Variants in CELSR1 observed in about 807,000 individuals in gnomAD.
CELSR1 encodes cadherin EGF LAG seven-pass G-type receptor 1.
A neutral mutation model predicts 249.1 loss-of-function variants in CELSR1; 110 were observed. That is an observed-to-expected ratio of 0.44 (90% CI 0.38 to 0.52). The LOEUF is 0.52. CELSR1 is among the 20% of genes least tolerant of loss of function. The pLI, the probability that CELSR1 is intolerant of heterozygous loss-of-function variation, is 0.00. For missense variants in CELSR1, 4,109 were observed against 4,296.4 expected, an observed-to-expected ratio of 0.96 and a Z score of 1.22; for synonymous variants, 2,113 against 1,900.0, an observed-to-expected ratio of 1.11 and a Z score of -2.92.
chr22:46,377,061 C>T lies in CELSR1; in HGVS notation c.7584G>A (p.Pro2528=), dbSNP rs151003123. ...GGGGAGGGGAGCAGAGTGGCCATACCGGGTTTTCCGTCTGGTTGATCCCAA... is the reference window on the plus strand; with the variant it reads ...GGGGAGGGGAGCAGAGTGGCCATACTGGGTTTTCCGTCTGGTTGATCCCAA... ...FVIGINQTEN[P]FLCTVVAILL... is the part of the protein sequence containing the mutation. The change falls in exon 24 of 35, where the codon CCG becomes CCA. Residue 2528 remains proline (P), a splice_region_variant and synonymous_variant. Transcript: ENST00000674500. 1.2e-3 allele frequency: 1,880 copies of T among 1,612,760 alleles called. 19 individuals are homozygous for T. Among genetic ancestry groups the T allele is most frequent in the Middle Eastern group, 3.3e-4 (2 of 6,056 alleles).
Position 46,464,128 on chromosome 22 carries a change from G to A in CELSR1, c.3762C>T (p.Ser1254=). Residue 1254 remains serine (S), a synonymous_variant, in exon 2 of 35, where the codon AGC becomes AGT. Transcript: ENST00000674500. This position sits in a 1 kb window ranked among gnomAD's most constrained non-coding sequence, Gnocchi z 8.5. ...AGAAGGTCACGTTCAGGATGTTGGAGCTGACGTCGGTGTCGTTCTGGACGT... is the reference window on the plus strand; with the variant it reads ...AGAAGGTCACGTTCAGGATGTTGGAACTGACGTCGGTGTCGTTCTGGACGT... ...VFNVQNDTDV[S]SNILNVTFSA... is the part of the protein sequence containing the mutation. 1 of 1,613,858 alleles carries A rather than the reference G, an allele frequency of 6.2e-7. No homozygotes were observed. Among genetic ancestry groups the A allele is most frequent in the Non-Finnish European group, 8.5e-7 (1 of 1,180,044 alleles).
rs3081584 is a variant in CELSR1 at position 46,496,200 on chromosome 22, C to CA, written c.3545-31856dup. Among the ~76,000 whole-genome samples, 854 of 144,396 alleles carry CA rather than the reference C, an allele frequency of 5.9e-3. 5 individuals are homozygous for CA. The highest frequency in any genetic ancestry group is 8.1e-3 in the African/African-American group (308 of 38,108). 94.7% of individuals were successfully genotyped at this position (144,396 alleles called of 152,430 possible). A position where few individuals can be genotyped will look rare whatever the true frequency, so the allele number is the denominator to read the frequency against. ...TGGGCAACAGAATGAGACTTTGTCT[C>CA]AAAAAAAAAAAAAAAAAATTGACTC... On this transcript the variant is annotated intron_variant, in intron 1 of 34. Coordinates refer to ENST00000674500, the MANE Select transcript of CELSR1 (RefSeq NM_001378328.1).
intron 1 of CELSR1, among the ~76,000 whole-genome samples, chr22:46,508,603 C>A (rs1298433885): frequency 1.3e-5 from 2 of 152,140 alleles, no homozygotes. Flanking sequence ...CCTCCCACCC[C>A]CTCACCGCCT....
At position 46,537,258 on chromosome 22, in the gene CELSR1, G is replaced by T; in HGVS notation, c.-88C>A. The T allele has an allele frequency of 1.0e-6, 1 of 1,004,934 alleles. No homozygotes were observed. Among genetic ancestry groups the T allele is most frequent in the Non-Finnish European group, 1.2e-6 (1 of 843,786 alleles). The allele number at this position is 1,004,934 out of a possible 1,614,324, so 62.3% of individuals were successfully genotyped here. A position where few individuals can be genotyped will look rare whatever the true frequency, so the allele number is the denominator to read the frequency against. ...CATCCACCCGGCGAGGCCGGGGAGCGGCTCCCGGGCGCCCGGCCCTCGGGG... is the reference window on the plus strand; with the variant it reads ...CATCCACCCGGCGAGGCCGGGGAGCTGCTCCCGGGCGCCCGGCCCTCGGGG... On this transcript the variant is annotated 5_prime_UTR_variant, in exon 1 of 35. Coordinates refer to ENST00000674500, the MANE Select transcript of CELSR1 (RefSeq NM_001378328.1). The surrounding 1 kb of genome is among the most constrained non-coding windows in gnomAD (Gnocchi z 5.8).
Position 46,409,895 on chromosome 22 carries a change from C to G in CELSR1, c.4934-15G>C. 1 of 1,610,062 alleles carries G rather than the reference C, an allele frequency of 6.2e-7. No individual in the cohort carries two copies. On this transcript the variant is annotated splice_polypyrimidine_tract_variant and intron_variant, in intron 7 of 34. Transcript: ENST00000674500. This position sits in a 1 kb window ranked among gnomAD's most constrained non-coding sequence, Gnocchi z 9.8. ...AGCAGCGCAGCCTGGCAACACAGAG[C>G]GTGCGGCAGAGCCTGACTCGGAGGA...
In CELSR1 at chr22:46,535,131, C is replaced by G; in HGVS notation, c.2040G>C (p.Val680=). The G allele has an allele frequency of 1.9e-6, 3 of 1,610,988 alleles. No homozygotes were observed. The East Asian group carries it at 6.7e-5, about 36-fold the overall frequency. Residue 680 remains valine (V), a synonymous_variant, in exon 1 of 35, where the codon GTG becomes GTC. Coordinates refer to ENST00000674500, the MANE Select transcript of CELSR1 (RefSeq NM_001378328.1). The stretch of plus-strand genomic sequence containing the variant: ...GCGTGAACACCGGGTCGTTGTCATT[C>G]ACGTCCAGCACCGTGATGGACACGC... ...STSVSITVLD[V]NDNDPVFTQP...
In CELSR1 at chr22:46,428,708, C is replaced by A. The variant is rs563654085; in HGVS notation, c.4611+4685G>T. The stretch of plus-strand genomic sequence containing the variant: ...GCCCAGGTGGGAAATCCTGACGCGG[C>A]TGCTCACCGCCTCCCACATCTGCTT... On this transcript the variant is annotated intron_variant, in intron 5 of 34. Coordinates refer to ENST00000674500, the MANE Select transcript of CELSR1 (RefSeq NM_001378328.1). The surrounding 1 kb of genome is among the most constrained non-coding windows in gnomAD (Gnocchi z 5.7). Among the ~76,000 whole-genome samples, 10 of 152,364 alleles carry A rather than the reference C, an allele frequency of 6.6e-5. No individual in the cohort carries two copies. Among genetic ancestry groups the A allele is most frequent in the South Asian group, 2.1e-4 (1 of 4,828 alleles).
chr22:46,425,078 C>T (rs1428066648), intron 5 of CELSR1, among the ~76,000 whole-genome samples: 2 of 152,218 alleles, frequency 1.3e-5, no homozygotes, highest in African/African-American at 4.8e-5. Context: ...TTGTTTGGTG[C>T]TAAGAAGTAT....
rs2078754414 is a variant in CELSR1 at position 46,365,217 on chromosome 22, C to T, written c.8554+14G>A. The T allele has an allele frequency of 1.2e-6, 2 of 1,609,058 alleles. No homozygotes were observed. Among genetic ancestry groups the T allele is most frequent in the Non-Finnish European group, 8.5e-7 (1 of 1,179,156 alleles). ...CCACAGCCCAGCCTGGCCCAATGTG[C>T]CCCACACACTCACCTTTGGGGGTGC... On this transcript the variant is annotated intron_variant, in intron 32 of 34. Coordinates refer to ENST00000674500, the MANE Select transcript of CELSR1 (RefSeq NM_001378328.1).
chr22:46,438,820 A>G (rs560149321), intron 3 of CELSR1, among the ~76,000 whole-genome samples: 5 of 152,234 alleles, frequency 3.3e-5, no homozygotes, highest in Admixed American at 6.5e-5. Flanking sequence ...GTGCAGTGGC[A>G]CAGTCTCAGC....
intron 2 of CELSR1, among the ~76,000 whole-genome samples, chr22:46,443,622 C>T (rs1304617047): frequency 6.6e-6 from 1 of 152,190 alleles, no homozygotes; most frequent in East Asian, 1.9e-4. Context: ...TTCACACATG[C>T]ACTCAATTTC....
intron 1 of CELSR1, among the ~76,000 whole-genome samples, chr22:46,474,513 T>A (rs2080187328): frequency 6.6e-6 from 1 of 152,168 alleles, no homozygotes; most frequent in Admixed American, 6.5e-5. Context: ...CCCTAGACAT[T>A]GTGTAAAACT....
chr22:46,466,913 G>GCT (rs1307175891), intron 1 of CELSR1, among the ~76,000 whole-genome samples: 1 of 152,162 alleles, frequency 6.6e-6, no homozygotes, highest in Non-Finnish European at 1.5e-5. Flanking sequence ...ACAGCAGAGA[G>GCT]CTCTCCTCTC....
rs1173806156 is a variant in CELSR1 at position 46,456,667 on chromosome 22, A to T, written c.4183+7040T>A. Among the ~76,000 whole-genome samples the T allele has an allele frequency of 3.0e-4, 45 of 149,714 alleles. 1 individual carries two copies. The highest frequency in any genetic ancestry group is 2.3e-3 in the Admixed American group (35 of 15,016). ...GACAGAGCGAGACTCTGTCTAAAAA[A>T]AAAAAAAAAAAAAAAAAAAAGAGAA... On this transcript the variant is annotated intron_variant, in intron 2 of 34. Coordinates refer to ENST00000674500, the MANE Select transcript of CELSR1 (RefSeq NM_001378328.1).
intron 23 of CELSR1, among the ~76,000 whole-genome samples, chr22:46,377,989 A>G (rs1389017307): frequency 6.6e-6 from 1 of 152,158 alleles, no homozygotes; most frequent in East Asian, 1.9e-4. Flanking sequence ...CACACAGGCC[A>G]TGGCCAGGCT....
intron 5 of CELSR1, among the ~76,000 whole-genome samples, chr22:46,414,999 C>G (rs1341185117): frequency 6.6e-6 from 1 of 152,132 alleles, no homozygotes. Flanking sequence ...ACATCGCGCT[C>G]AGTGAAAGCA....
In CELSR1 at chr22:46,393,567, G is replaced by A. The variant is rs6008797; in HGVS notation, c.5964+575C>T. 0.018 allele frequency among the ~76,000 whole-genome samples: 2,675 copies of A among 152,142 alleles called. 86 individuals are homozygous for A. The highest frequency in any genetic ancestry group is 0.06 in the African/African-American group (2,505 of 41,480). On this transcript the variant is annotated intron_variant, in intron 14 of 34. Coordinates refer to ENST00000674500, the MANE Select transcript of CELSR1 (RefSeq NM_001378328.1). This position sits in a 1 kb window ranked among gnomAD's most constrained non-coding sequence, Gnocchi z 4.1. ...AGCCTGGCCAACATGGTGAAATCCT[G>A]TCTCTACTAAAAATACAAAAATTAG...
intron 9 of CELSR1, among the ~76,000 whole-genome samples, chr22:46,405,922 G>T (rs1277502508): frequency 6.6e-6 from 1 of 152,080 alleles, no homozygotes. Flanking sequence ...GCTGCCCTGG[G>T]GGCCTTCTGG....
chr22:46,444,699 AAAC>A (rs1208879890), intron 2 of CELSR1, among the ~76,000 whole-genome samples: 1 of 152,198 alleles, frequency 6.6e-6, no homozygotes, highest in Non-Finnish European at 1.5e-5. Context: ...TGGAGGCTTA[AAAC>A]AACAGAAATT....
Sources: allele counts gnomAD v4.1 joint callset (sites outside exome capture counted in the v4.1 genomes callset), GRCh38; gene constraint gnomAD v4.1.1; non-coding constraint Gnocchi (gnomAD v3.1); transcripts MANE v1.5; gene names NCBI Gene and HGNC (gene_info 2026-07-23, HGNC 2026-07-21).